Variants in ALOX5 observed in about 807,000 individuals in gnomAD.
ALOX5 encodes polyunsaturated fatty acid 5-lipoxygenase.
A neutral mutation model predicts 87.9 loss-of-function variants in ALOX5; 64 were observed. That is an observed-to-expected ratio of 0.73 (90% CI 0.60 to 0.90). ALOX5 has a LOEUF of 0.90. Ranked by LOEUF, ALOX5 falls within the 40% of genes least tolerant of loss-of-function variation. ALOX5 has a pLI of 0.00. For missense variants in ALOX5, 822 were observed against 907.5 expected (o/e 0.91, Z 1.21); for synonymous variants, 388 against 355.1 (o/e 1.09, Z -1.04).
At chr10:45,431,310 A>G (rs912739048) in intron 7 of ALOX5, among the ~76,000 whole-genome samples, 1 of 152,176 alleles carries the variant, frequency 6.6e-6, no homozygotes, top group African/African-American at 2.4e-5. Context: ...AGGTCATACC[A>G]CATGATAAAA....
At chr10:45,379,211 CAT>C (rs1839741613) in intron 1 of ALOX5, among the ~76,000 whole-genome samples, 1 of 152,152 alleles carries the variant, frequency 6.6e-6, no homozygotes, top group East Asian at 1.9e-4. Flanking sequence ...GCCTCCCTCC[CAT>C]GAGAGTGTCC....
chr10:45,396,554 TA>T (rs776398623), intron 3 of ALOX5, among the ~76,000 whole-genome samples: 3 of 152,186 alleles, frequency 2.0e-5, no homozygotes, highest in Non-Finnish European at 4.4e-5. Flanking sequence ...TTAATCTGAA[TA>T]AAACAATCAC....
intron 4 of ALOX5, among the ~76,000 whole-genome samples, chr10:45,418,030 A>G (rs1043513532): frequency 2.0e-5 from 3 of 152,154 alleles, no homozygotes; most frequent in Non-Finnish European, 2.9e-5. Context: ...GTGATGGCCT[A>G]TTGGCAGGAG....
intron 3 of ALOX5, among the ~76,000 whole-genome samples, chr10:45,403,236 A>G (rs1187372235): frequency 1.3e-5 from 2 of 152,236 alleles, no homozygotes; most frequent in African/African-American, 4.8e-5. Flanking sequence ...TCCAACAAAC[A>G]GTAGAACAGA....
At chr10:45,433,370 C>T (rs1463334814) in intron 7 of ALOX5, among the ~76,000 whole-genome samples, 1 of 152,216 alleles carries the variant, frequency 6.6e-6, no homozygotes, top group Non-Finnish European at 1.5e-5. Context: ...GGGGTTGAGG[C>T]TGTCGTGGCG....
At chr10:45,416,264 C>T (rs912144600) in intron 4 of ALOX5, among the ~76,000 whole-genome samples, 1 of 152,034 alleles carries the variant, frequency 6.6e-6, no homozygotes, top group Non-Finnish European at 1.5e-5. Flanking sequence ...AAGGAGTTTG[C>T]CTAAAGTCAT....
chr10:45,445,666 T>A lies in ALOX5; in HGVS notation c.2004T>A (p.Ile668=). The part of the protein sequence containing the change: ...LPYYYLSPDR[I]PNSVAI ...ATTACTACTTGTCCCCAGACCGGAT[T>A]CCGAACAGTGTGGCCATCTGAGCAC... is the stretch of plus-strand genomic sequence containing the variant. The change falls in exon 14 of 14, where the codon ATT becomes ATA. Residue 668 remains isoleucine (I), a synonymous_variant. Transcript: ENST00000374391. 6.2e-7 allele frequency: 1 copy of A among 1,613,786 alleles called. No homozygotes were observed. The highest frequency in any genetic ancestry group is 8.5e-7 in the Non-Finnish European group (1 of 1,179,864).
chr10:45,435,828 C>T (rs1271205227), intron 7 of ALOX5, among the ~76,000 whole-genome samples: 1 of 152,184 alleles, frequency 6.6e-6, no homozygotes, highest in African/African-American at 2.4e-5. Flanking sequence ...ACTGGTAATT[C>T]TATTTGCAGT....
chr10:45,431,531 T>C (rs995794526), intron 7 of ALOX5, among the ~76,000 whole-genome samples: 2 of 151,626 alleles, frequency 1.3e-5, no homozygotes, highest in South Asian at 2.1e-4. Context: ...AATGCCCATA[T>C]AAGGAAAAAC....
At chr10:45,426,379 C>T (rs1841703863) in intron 6 of ALOX5, among the ~76,000 whole-genome samples, 1 of 152,204 alleles carries the variant, frequency 6.6e-6, no homozygotes, top group Non-Finnish European at 1.5e-5. Context: ...TGACCCACCC[C>T]TCACTGACTA....
chr10:45,409,362 C>A (rs764648340), intron 3 of ALOX5, among the ~76,000 whole-genome samples: 2 of 152,188 alleles, frequency 1.3e-5, no homozygotes, highest in Non-Finnish European at 2.9e-5. Context: ...TCTTTTAATA[C>A]AAGAGACCAA....
chr10:45,444,907 A>G (rs1842388267), intron 13 of ALOX5: 1 of 153,904 alleles, frequency 6.5e-6, no homozygotes, highest in African/African-American at 2.4e-5. Context: ...CCCTCCACAA[A>G]CTAAATTCAA....
At chr10:45,395,349 C>T (rs1036484603) in intron 2 of ALOX5, among the ~76,000 whole-genome samples, 3 of 152,042 alleles carry the variant, frequency 2.0e-5, no homozygotes, top group African/African-American at 7.3e-5. Context: ...AGCAAACTAT[C>T]GCAAGGACAA....
At chr10:45,385,708 A>G (rs1839983800) in intron 2 of ALOX5, among the ~76,000 whole-genome samples, 1 of 152,010 alleles carries the variant, frequency 6.6e-6, no homozygotes, top group East Asian at 1.9e-4. Flanking sequence ...CACCATTAAT[A>G]CTCAGCTTGC....
chr10:45,440,664 G>A (rs773761793), intron 8 of ALOX5, 31 bp downstream of exon 8: 3 of 1,607,734 alleles, frequency 1.9e-6, no homozygotes, highest in South Asian at 1.1e-5. Flanking sequence ...ACCTGCTATG[G>A]GAGGGCATCT....
chr10:45,412,981 G>C (rs1225594404), intron 4 of ALOX5, among the ~76,000 whole-genome samples: 1 of 152,138 alleles, frequency 6.6e-6, no homozygotes, highest in Non-Finnish European at 1.5e-5. Flanking sequence ...ACTGAGTGTA[G>C]GGATCTTTAA....
At chr10:45,376,045 A>G (rs1839597409) in intron 1 of ALOX5, among the ~76,000 whole-genome samples, 1 of 152,212 alleles carries the variant, frequency 6.6e-6, no homozygotes, top group South Asian at 2.1e-4. Context: ...ATAAGGTTCT[A>G]GAAGCACAGG....
chr10:45,419,684 G>A (rs1186420153), intron 4 of ALOX5, among the ~76,000 whole-genome samples: 1 of 152,250 alleles, frequency 6.6e-6, no homozygotes, highest in African/African-American at 2.4e-5. Context: ...GGTGGAAGCT[G>A]CAGTGATCTG....
intron 2 of ALOX5, among the ~76,000 whole-genome samples, chr10:45,394,575 C>T (rs1160330270): frequency 6.6e-6 from 1 of 152,168 alleles, no homozygotes; most frequent in Non-Finnish European, 1.5e-5. Context: ...ACACCAAAAG[C>T]AATGGCAACA....
Sources: allele counts gnomAD v4.1 joint callset (sites outside exome capture counted in the v4.1 genomes callset), GRCh38; gene constraint gnomAD v4.1.1; transcripts MANE v1.5; gene names NCBI Gene and HGNC (gene_info 2026-07-23, HGNC 2026-07-21).